The following GLOD4 variants were observed in gnomAD, a reference collection of about 807,000 sequenced individuals.
The protein encoded by GLOD4 is glyoxalase domain containing 4, also known as glyoxalase domain-containing protein 4.
Under a neutral mutation model 39.1 loss-of-function variants are expected in GLOD4, and 44 were observed. The ratio of observed to expected loss-of-function variants is 1.13; its 90% CI spans 0.88 to 1.45. The LOEUF is 1.45. Ranked by LOEUF, GLOD4 falls within the 40% of genes most tolerant of loss-of-function variation. GLOD4 has a pLI of 0.00. For missense variants in GLOD4, 405 were observed against 366.4 expected (o/e 1.11, Z -0.86); for synonymous variants, 145 against 135.0 (o/e 1.07, Z -0.52).
chr17:776,386 A>G (rs1008856446), intron 3 of GLOD4, among the ~76,000 whole-genome samples: 2 of 152,216 alleles, frequency 1.3e-5, no homozygotes, highest in African/African-American at 2.4e-5. Flanking sequence ...GGTTTATTAT[A>G]ATGGCCTCTC....
intron 4 of GLOD4, among the ~76,000 whole-genome samples, chr17:772,994 CA>C (rs1351462844): frequency 0.016 from 1,668 of 106,196 alleles, 9 homozygotes; most frequent in Middle Eastern, 0.021. Context: ...GACTCTGTCT[CA>C]AAAAAAAAAA....
At chr17:763,558 A>C (rs1905912339) in intron 8 of GLOD4, 1 of 152,176 alleles carries the variant, frequency 6.6e-6, no homozygotes, top group South Asian at 2.1e-4. Context: ...AGCACTTAAG[A>C]ACGTACCGAT....
At chr17:772,971 G>A (rs1908243162) in intron 4 of GLOD4, among the ~76,000 whole-genome samples, 1 of 151,730 alleles carries the variant, frequency 6.6e-6, no homozygotes, top group Non-Finnish European at 1.5e-5. Context: ...CTCTAGCCTG[G>A]GCGACAGAGC....
intron 8 of GLOD4, chr17:764,744 C>T (rs945959761): frequency 2.6e-5 from 4 of 151,324 alleles, no homozygotes; most frequent in African/African-American, 7.2e-5. Flanking sequence ...CGCGGTGGCT[C>T]ACACCTGTAA....
At chr17:768,703 A>G (rs76499587) in intron 8 of GLOD4, among the ~76,000 whole-genome samples, 52 of 101,666 alleles carry the variant, frequency 5.1e-4, no homozygotes, top group South Asian at 8.3e-4. Flanking sequence ...TTTTTAGAGG[A>G]AGAAATCTGG....
At chr17:770,014 C>A (rs1281434313) in intron 7 of GLOD4, 30 bp downstream of exon 7, 1 of 1,553,384 alleles carries the variant, frequency 6.4e-7, no homozygotes. Flanking sequence ...ACCCCTGGTC[C>A]AGCCTGCCCC....
At chr17:778,586 C>T (rs1370117008) in intron 2 of GLOD4, 109 bp downstream of exon 2, 1 of 772,856 alleles carries the variant, frequency 1.3e-6, no homozygotes, top group Non-Finnish European at 2.4e-6. Context: ...CCCTAATTTA[C>T]TGCCTCCTTA....
At chr17:763,337 G>A (rs1905863967) in intron 8 of GLOD4, among the ~76,000 whole-genome samples, 1 of 151,974 alleles carries the variant, frequency 6.6e-6, no homozygotes, top group African/African-American at 2.4e-5. Flanking sequence ...GTGAAACCCT[G>A]TCTCTACTAA....
At chr17:766,331 C>T (rs1270314730) in intron 8 of GLOD4, among the ~76,000 whole-genome samples, 6 of 151,418 alleles carry the variant, frequency 4.0e-5, no homozygotes, top group Non-Finnish European at 8.8e-5. Flanking sequence ...CGTGGTGGCT[C>T]ACGCCTGTAA....
chr17:775,956 C>G (rs768342828), intron 3 of GLOD4, 37 bp from the exon 4 acceptor site: 8 of 1,583,004 alleles, frequency 5.1e-6, no homozygotes, highest in Non-Finnish European at 6.9e-6. Flanking sequence ...TACATGATCA[C>G]AACAGATATT....
rs570930489 is a variant in GLOD4 at position 763,276 on chromosome 17, G to A, written c.832-3038C>T. Among the ~76,000 whole-genome samples, 5 of 152,178 alleles carry A rather than the reference G, an allele frequency of 3.3e-5. No individual in the cohort carries two copies. The South Asian group carries it at 1.0e-3, about 32-fold the overall frequency. ...TAATCCCAGCACTTTGGGAGGCTGAGGCAGGTGGATCACCTGAGGTCAAGA... is the reference window on the plus strand; with the variant it reads ...TAATCCCAGCACTTTGGGAGGCTGAAGCAGGTGGATCACCTGAGGTCAAGA... On this transcript the variant is annotated intron_variant, in intron 8 of 8. Coordinates refer to ENST00000301329, the MANE Select transcript of GLOD4 (RefSeq NM_016080.4).
chr17:768,596 C>G (rs1485140703), intron 8 of GLOD4, among the ~76,000 whole-genome samples: 1 of 116,060 alleles, frequency 8.6e-6, no homozygotes, highest in African/African-American at 3.3e-5. Flanking sequence ...AAGAAGAAGT[C>G]TGGAGAGGAC....
chr17:768,382 G>C (rs1907144702), intron 8 of GLOD4, among the ~76,000 whole-genome samples: 1 of 150,240 alleles, frequency 6.7e-6, no homozygotes, highest in South Asian at 2.1e-4. Flanking sequence ...GAAATCTGGA[G>C]AGGACGTAAG....
At chr17:779,688 A>G (rs888186857) in intron 1 of GLOD4, among the ~76,000 whole-genome samples, 4 of 152,032 alleles carry the variant, frequency 2.6e-5, no homozygotes, top group Admixed American at 2.6e-4. Context: ...GTAGTTGTGT[A>G]ACTCTGAGCA....
At chr17:770,740 GTTCC>G in intron 5 of GLOD4, 2 of 393,306 alleles carry the variant, frequency 5.1e-6, no homozygotes, top group Non-Finnish European at 9.1e-6. Context: ...AAATTATTCT[GTTCC>G]TTGTTTTTCT....
chr17:772,248 C>T lies in GLOD4; in HGVS notation c.407-787G>A, dbSNP rs150998464. 2.0e-3 allele frequency among the ~76,000 whole-genome samples: 296 copies of T among 147,604 alleles called. 4 individuals carry two copies. Among genetic ancestry groups the T allele is most frequent in the African/African-American group, 6.9e-3 (276 of 39,960 alleles). The stretch of plus-strand genomic sequence containing the variant: ...AAAAGCCTCATTATTCAATGGACGG[C>T]GCTAAGAAGACTGGCTAATCATTTG... On this transcript the variant is annotated intron_variant, in intron 4 of 8. Transcript: ENST00000301329.
chr17:771,917 A>G (rs1908007004), intron 4 of GLOD4, among the ~76,000 whole-genome samples: 2 of 151,272 alleles, frequency 1.3e-5, no homozygotes, highest in Admixed American at 1.3e-4. Context: ...GGAGGCTGAG[A>G]CAGGAGAATT....
In GLOD4 at chr17:760,099, T is replaced by C. The variant is rs185701966; in HGVS notation, c.*74A>G. 315 of 843,392 alleles carry C rather than the reference T, an allele frequency of 3.7e-4. No individual in the cohort carries two copies. The African/African-American group carries it at 3.9e-3, about 11-fold the overall frequency. The allele number at this position is 843,392 out of a possible 1,614,324, so 52.2% of individuals were successfully genotyped here. On this transcript the variant is annotated 3_prime_UTR_variant, in exon 9 of 9. Transcript: ENST00000301329. ...GGGAAACAAATCAGAAGAGCATTTATTGGGAACTGACACGTCAGGCCTCAC... is the reference window on the plus strand; with the variant it reads ...GGGAAACAAATCAGAAGAGCATTTACTGGGAACTGACACGTCAGGCCTCAC...
chr17:763,698 C>T (rs1905944620), intron 8 of GLOD4: 1 of 152,088 alleles, frequency 6.6e-6, no homozygotes, highest in Non-Finnish European at 1.5e-5. Context: ...ATCTACACTC[C>T]CAAGTAGCCT....
Sources: gnomAD v4.1 joint callset for allele counts (sites outside exome capture counted in the v4.1 genomes callset) on GRCh38, gnomAD v4.1.1 for gene constraint, MANE v1.5 for transcripts, NCBI Gene and HGNC (gene_info 2026-07-23, HGNC 2026-07-21) for gene names.